The following CATSPERB variants were observed in gnomAD, a reference collection of about 807,000 sequenced individuals.
CATSPERB encodes cation channel sperm-associated auxiliary subunit beta.
In CATSPERB, 93 loss-of-function variants were observed where a neutral mutation model predicts 128.3. That is an observed-to-expected ratio of 0.72 (90% CI 0.61 to 0.86). The LOEUF (loss-of-function observed/expected upper bound fraction) is 0.86, where lower values mean the gene tolerates loss of function less well. Among genes scored for constraint, CATSPERB ranks in the 40% least tolerant of loss-of-function variants. The pLI, the probability that CATSPERB is intolerant of heterozygous loss-of-function variation, is 0.00. For synonymous variants in CATSPERB, 381 were observed against 448.8 expected, an observed-to-expected ratio of 0.85 and a Z score of 1.91; for missense variants, 1,153 against 1,329.5, an observed-to-expected ratio of 0.87 and a Z score of 2.06.
In CATSPERB at chr14:91,671,588, C is replaced by G. The variant is rs564008700; in HGVS notation, c.1128+1279G>C. ...CCTGGGCAGCAGAGCGAGACCCCAT[C>G]TCAAAAAAACCCCAAAAAACCAACC... On this transcript the variant is annotated intron_variant, in intron 13 of 26. Coordinates refer to ENST00000256343, the MANE Select transcript of CATSPERB (RefSeq NM_024764.4). 2.1e-5 allele frequency among the ~76,000 whole-genome samples: 3 copies of G among 143,118 alleles called. No homozygotes were observed. The South Asian group carries it at 6.6e-4, about 32-fold the overall frequency. 93.9% of individuals were successfully genotyped at this position (143,118 alleles called of 152,430 possible).
intron 9 of CATSPERB, among the ~76,000 whole-genome samples, chr14:91,692,683 G>A (rs1595181230): frequency 1.3e-5 from 2 of 152,034 alleles, no homozygotes. Context: ...TTGTTAACAT[G>A]TTTAAGAATT....
At chr14:91,664,754 G>A (rs75620733) in intron 14 of CATSPERB, among the ~76,000 whole-genome samples, 1,648 of 152,234 alleles carry the variant, frequency 0.011, 24 homozygotes, top group African/African-American at 0.036. Flanking sequence ...CACAAGAGTT[G>A]TTCCAATTCC....
chr14:91,640,384 T>TCCCTGCC (rs1555361592), intron 15 of CATSPERB, among the ~76,000 whole-genome samples: 1 of 70,880 alleles, frequency 1.4e-5, no homozygotes, highest in African/African-American at 6.8e-5. Flanking sequence ...CCCAATGCTA[T>TCCCTGCC]CCCTCCCCCC....
In CATSPERB at chr14:91,683,935, A is replaced by G. The variant is rs751509943; in HGVS notation, c.873T>C (p.Tyr291=). Reference sequence around the variant, plus strand: ...CATTATACCACAGTTTTCCTTTCACATAGTCAACCTACATAAATAAATAAA... The same window carrying G: ...CATTATACCACAGTTTTCCTTTCACGTAGTCAACCTACATAAATAAATAAA... ...ADFCGFERVD[Y]VKGKLWYNER... is the part of the protein sequence containing the mutation. Residue 291 remains tyrosine, a synonymous_variant, in exon 11 of 27, where the codon TAT becomes TAC. Coordinates refer to ENST00000256343, the MANE Select transcript of CATSPERB (RefSeq NM_024764.4). 6.3e-7 allele frequency: 1 copy of G among 1,593,036 alleles called. No homozygotes were observed. Among genetic ancestry groups the G allele is most frequent in the South Asian group, 1.1e-5 (1 of 88,746 alleles).
chr14:91,637,165 C>A (rs1040614139), intron 16 of CATSPERB, among the ~76,000 whole-genome samples: 4 of 152,076 alleles, frequency 2.6e-5, no homozygotes, highest in African/African-American at 9.7e-5. Flanking sequence ...GCTTGGGGAA[C>A]TTTTAGGGGA....
intron 22 of CATSPERB, among the ~76,000 whole-genome samples, chr14:91,603,614 C>T (rs961008259): frequency 6.6e-6 from 1 of 152,162 alleles, no homozygotes; most frequent in Non-Finnish European, 1.5e-5. Context: ...CTCACAGTTC[C>T]ACAGGCTGCA....
intron 18 of CATSPERB, 33 bp downstream of exon 18, chr14:91,624,787 G>C: frequency 7.1e-7 from 1 of 1,415,006 alleles, no homozygotes; most frequent in South Asian, 1.5e-5. Flanking sequence ...TTTTTTTCTA[G>C]CCATCAGAGA....
At chr14:91,708,865 CTT>C (rs1566737347) in intron 5 of CATSPERB, among the ~76,000 whole-genome samples, 1 of 152,158 alleles carries the variant, frequency 6.6e-6, no homozygotes, top group African/African-American at 2.4e-5. Flanking sequence ...TTATAACAAA[CTT>C]ATTTTAAATG....
At chr14:91,593,634 T>C (rs1893449601) in intron 22 of CATSPERB, among the ~76,000 whole-genome samples, 1 of 152,236 alleles carries the variant, frequency 6.6e-6, no homozygotes, top group Non-Finnish European at 1.5e-5. Flanking sequence ...AGCTTCTTTT[T>C]TATTTTACAG....
rs1281763638 is a variant in CATSPERB at position 91,590,545 on chromosome 14, C to T, written c.2821-876G>A. Among the ~76,000 whole-genome samples, 99 of 152,002 alleles carry T rather than the reference C, an allele frequency of 6.5e-4. 1 individual carries two copies. The highest frequency in any genetic ancestry group is 6.3e-3 in the Admixed American group (96 of 15,260). ...GACTTGGTCTCAAAAAAAGTAAAAACGAAAATAAAATAATAATAATTTACA... is the reference window on the plus strand; with the variant it reads ...GACTTGGTCTCAAAAAAAGTAAAAATGAAAATAAAATAATAATAATTTACA... On this transcript the variant is annotated intron_variant, in intron 23 of 26. Transcript: ENST00000256343.
intron 22 of CATSPERB, chr14:91,605,313 C>T (rs1893679807): frequency 7.4e-6 from 6 of 813,166 alleles, no homozygotes; most frequent in African/African-American, 1.7e-5. Context: ...GCTGGAGCCA[C>T]ACTCATGTTA....
chr14:91,628,957 C>G (rs1015784444), intron 17 of CATSPERB, among the ~76,000 whole-genome samples: 1 of 152,186 alleles, frequency 6.6e-6, no homozygotes, highest in African/African-American at 2.4e-5. Context: ...GAGGACAGTT[C>G]AGTCATTTTT....
Position 91,608,366 on chromosome 14 carries a change from A to C in CATSPERB, c.2637T>G (p.Ile879Met), listed in dbSNP as rs1451872903. ...CATGATAAAAATTATCTGTGAGTGG[A>C]ATAGCAATTCCCATATTAGATGGAG... ...YRPPSNMGIA[I>M]PLTDNFYHAD... is the part of the protein sequence containing the mutation. Residue 879 changes from isoleucine to methionine, a missense_variant, in exon 22 of 27, where the codon ATT becomes ATG. Coordinates refer to ENST00000256343, the MANE Select transcript of CATSPERB (RefSeq NM_024764.4). 1 of 1,611,158 alleles carries C rather than the reference A, an allele frequency of 6.2e-7. No individual in the cohort carries two copies. The highest frequency in any genetic ancestry group is 1.7e-5 in the Admixed American group (1 of 60,002).
At position 91,610,473 on chromosome 14, in the gene CATSPERB, T is replaced by G; in HGVS notation, c.2598+7A>C. Reference sequence around the variant, plus strand: ...TTAAACCAATATACTTAGATTTTTTTTTTTACCGGCAAAGTTTTGATGAGG... The same window carrying G: ...TTAAACCAATATACTTAGATTTTTTGTTTTACCGGCAAAGTTTTGATGAGG... On this transcript the variant is annotated splice_region_variant and intron_variant, in intron 21 of 26. Coordinates refer to ENST00000256343, the MANE Select transcript of CATSPERB (RefSeq NM_024764.4). 1.2e-6 allele frequency: 2 copies of G among 1,609,188 alleles called. No homozygotes were observed. Among genetic ancestry groups the G allele is most frequent in the Non-Finnish European group, 1.7e-6 (2 of 1,178,676 alleles).
At position 91,685,399 on chromosome 14, in the gene CATSPERB, A is replaced by G. The variant is rs1482631877; in HGVS notation, c.865-1456T>C. Among the ~76,000 whole-genome samples, 5 of 152,208 alleles carry G rather than the reference A, an allele frequency of 3.3e-5. No homozygotes were observed. The East Asian group carries it at 5.8e-4, about 18-fold the overall frequency. The stretch of plus-strand genomic sequence containing the variant: ...CAACTTGTTCAAAATTTTATGTTAC[A>G]TGGCTGATAAGTTAGTCCAAAATTT... On this transcript the variant is annotated intron_variant, in intron 10 of 26. Coordinates refer to ENST00000256343, the MANE Select transcript of CATSPERB (RefSeq NM_024764.4).
chr14:91,653,669 G>A (rs546645268), intron 15 of CATSPERB, among the ~76,000 whole-genome samples: 3 of 152,284 alleles, frequency 2.0e-5, no homozygotes, highest in South Asian at 2.1e-4. Flanking sequence ...TCACTATCAT[G>A]AGAATAGCAC....
In CATSPERB at chr14:91,691,554, A is replaced by G; in HGVS notation, c.833T>C (p.Phe278Ser). 6.2e-7 allele frequency: 1 copy of G among 1,601,900 alleles called. No homozygotes were observed. Among genetic ancestry groups the G allele is most frequent in the Non-Finnish European group, 8.5e-7 (1 of 1,173,770 alleles). The change falls in exon 10 of 27, where the codon TTT becomes TCT. Residue 278 changes from phenylalanine (F) to serine (S), a missense_variant and splice_region_variant. By Grantham distance (155) the Phe-to-Ser change is radical. Coordinates refer to ENST00000256343, the MANE Select transcript of CATSPERB (RefSeq NM_024764.4). ...AAAACCACAAAAGTCTGCCCTGGAAAACTAGAAGAAAAGAAGAAACTTTAA... is the reference window on the plus strand; with the variant it reads ...AAAACCACAAAAGTCTGCCCTGGAAGACTAGAAGAAAAGAAGAAACTTTAA... ...LRYPSRHSLS[F>S]SRADFCGFER...
intron 15 of CATSPERB, among the ~76,000 whole-genome samples, chr14:91,659,461 T>C (rs1199856553): frequency 6.6e-6 from 1 of 152,232 alleles, no homozygotes; most frequent in Non-Finnish European, 1.5e-5. Flanking sequence ...TTACTGGTTG[T>C]GTGTCAGTTG....
chr14:91,674,037 T>G (rs1895148288), intron 12 of CATSPERB, 139 bp downstream of exon 12: 1 of 575,306 alleles, frequency 1.7e-6, no homozygotes, highest in African/African-American at 2.0e-5. Flanking sequence ...TAAACCCAAG[T>G]AGAAACACCA....
Sources: gnomAD v4.1 joint callset for allele counts (sites outside exome capture counted in the v4.1 genomes callset) on GRCh38, gnomAD v4.1.1 for gene constraint, MANE v1.5 for transcripts, NCBI Gene and HGNC (gene_info 2026-07-23, HGNC 2026-07-21) for gene names.